Variants in CTNNA2 observed in about 807,000 individuals in gnomAD.
CTNNA2 encodes the protein catenin alpha-2.
A neutral mutation model predicts 101.0 loss-of-function variants in CTNNA2; 42 were observed. The observed-to-expected ratio is 0.42, with a 90% confidence interval of 0.32 to 0.54. The LOEUF (loss-of-function observed/expected upper bound fraction) is 0.54. Among genes scored for constraint, CTNNA2 ranks in the 20% least tolerant of loss-of-function variants. The probability of loss-of-function intolerance (pLI) is 0.14; values close to 1 mark genes in which losing one functional copy is unlikely to be tolerated. For synonymous variants in CTNNA2, 450 were observed against 456.4 expected, an observed-to-expected ratio of 0.99 and a Z score of 0.18; for missense variants, 871 against 1,223.1, an observed-to-expected ratio of 0.71 and a Z score of 4.29.
At chr2:79,659,090 G>A (rs908337737) in intron 2 of CTNNA2, among the ~76,000 whole-genome samples, 1 of 151,618 alleles carries the variant, frequency 6.6e-6, no homozygotes, top group African/African-American at 2.4e-5. Context: ...CATTACTTTG[G>A]TGCAATTAAA....
intron 9 of CTNNA2, among the ~76,000 whole-genome samples, chr2:80,470,955 C>T (rs1340632930): frequency 1.3e-5 from 2 of 152,132 alleles, no homozygotes; most frequent in Admixed American, 6.6e-5. Context: ...GGCAGCCATG[C>T]AAGACTGGAG....
intron 4 of CTNNA2, among the ~76,000 whole-genome samples, chr2:79,405,121 G>T (rs1275592442): frequency 1.3e-5 from 2 of 151,918 alleles, no homozygotes; most frequent in African/African-American, 2.4e-5. Flanking sequence ...TATCCTATGT[G>T]GGCCTGACTT....
intron 7 of CTNNA2, among the ~76,000 whole-genome samples, chr2:80,279,049 C>CGTGTGTGTGT (rs3219982): frequency 0.12 from 16,606 of 135,636 alleles, 1,145 homozygotes; most frequent in South Asian, 0.2. Flanking sequence ...ATGACTTTTA[C>CGTGTGTGTGT]GTGTGTGTGT....
chr2:79,586,717 G>A (rs1253874657), intron 1 of CTNNA2, among the ~76,000 whole-genome samples: 1 of 151,906 alleles, frequency 6.6e-6, no homozygotes, highest in Non-Finnish European at 1.5e-5. Flanking sequence ...GGTGGTTTTT[G>A]TTACATGAAC....
At chr2:80,018,124 C>G (rs1047641986) in intron 7 of CTNNA2, among the ~76,000 whole-genome samples, 1 of 152,096 alleles carries the variant, frequency 6.6e-6, no homozygotes, top group Non-Finnish European at 1.5e-5. Context: ...TGGAATGTTA[C>G]AGAATTCGGC....
chr2:79,339,890 T>C (rs1367776995), intron 3 of CTNNA2: 1 of 152,202 alleles, frequency 6.6e-6, no homozygotes, highest in East Asian at 1.9e-4. Flanking sequence ...AGAAAGACCT[T>C]CTGTTTCAAA....
chr2:80,045,003 T>C (rs769298997), intron 7 of CTNNA2, among the ~76,000 whole-genome samples: 3 of 152,152 alleles, frequency 2.0e-5, no homozygotes, highest in Non-Finnish European at 2.9e-5. Flanking sequence ...CTTACTCGGT[T>C]GCATGAGGGT....
Position 79,858,009 on chromosome 2 carries a change from C to T in CTNNA2, c.299-4C>T. ...CCACCTGCCTCTCCGTGTCTGTCTT[C>T]CAGGTGAGACGATGCGGATCGCCTC... On this transcript the variant is annotated splice_polypyrimidine_tract_variant and splice_region_variant and intron_variant, in intron 3 of 18. Coordinates refer to ENST00000402739, the MANE Select transcript of CTNNA2 (RefSeq NM_001282597.3). The T allele has an allele frequency of 2.5e-6, 4 of 1,610,138 alleles. No homozygotes were observed. The highest frequency in any genetic ancestry group is 3.4e-6 in the Non-Finnish European group (4 of 1,176,738).
intron 7 of CTNNA2, among the ~76,000 whole-genome samples, chr2:80,093,848 G>C (rs977119637): frequency 2.6e-5 from 4 of 152,088 alleles, no homozygotes; most frequent in African/African-American, 9.6e-5. Context: ...TTTTTGATGG[G>C]GTTGTTTGTT....
chr2:80,432,293 G>T (rs964177540), intron 9 of CTNNA2, among the ~76,000 whole-genome samples: 61 of 152,216 alleles, frequency 4.0e-4, no homozygotes, highest in African/African-American at 1.4e-3. Context: ...TTGATCTAAA[G>T]AACAGATTTT....
At chr2:79,230,731 A>G (rs1010932427) in intron 2 of CTNNA2, among the ~76,000 whole-genome samples, 1 of 152,218 alleles carries the variant, frequency 6.6e-6, no homozygotes, top group Non-Finnish European at 1.5e-5. Context: ...ATGCTAGCCC[A>G]TGAAAGCAGC....
intron 4 of CTNNA2, among the ~76,000 whole-genome samples, chr2:79,423,465 T>C (rs1433110422): frequency 6.6e-6 from 1 of 152,212 alleles, no homozygotes; most frequent in East Asian, 1.9e-4. Flanking sequence ...CCATTAAGTT[T>C]TGAGGTATTT....
At chr2:79,686,264 A>G (rs1280395469) in intron 2 of CTNNA2, among the ~76,000 whole-genome samples, 1 of 152,150 alleles carries the variant, frequency 6.6e-6, no homozygotes, top group Non-Finnish European at 1.5e-5. Flanking sequence ...GATTTGTTCA[A>G]GGGTTCAACT....
At chr2:79,345,859 ATTTT>A (rs71385269) in intron 3 of CTNNA2, among the ~76,000 whole-genome samples, 2 of 130,612 alleles carry the variant, frequency 1.5e-5, no homozygotes, top group African/African-American at 2.9e-5. Flanking sequence ...CGCCCGGTTG[ATTTT>A]TTTTTTTTTT....
intron 3 of CTNNA2, among the ~76,000 whole-genome samples, chr2:79,320,877 C>T (rs1202204939): frequency 1.3e-5 from 2 of 152,080 alleles, no homozygotes; most frequent in African/African-American, 4.8e-5. Context: ...ACCTGAAGTA[C>T]CAAAAGTCTA....
rs117825532 is a variant in CTNNA2, at chr2:79,617,504, C to T, written c.-5-34048C>T. Among the ~76,000 whole-genome samples, 86 of 152,268 alleles carry T rather than the reference C, an allele frequency of 5.6e-4. No homozygotes were observed. The East Asian group carries it at 0.015, about 27-fold the overall frequency. On this transcript the variant is annotated intron_variant, in intron 1 of 18. Coordinates refer to ENST00000402739, the MANE Select transcript of CTNNA2 (RefSeq NM_001282597.3). ...CTCTCTGGTTTGTTATTTATCCAGT[C>T]TACTTTGTTAGTGATTACATTTTCA...
intron 7 of CTNNA2, among the ~76,000 whole-genome samples, chr2:79,922,106 C>G (rs1214671648): frequency 6.6e-6 from 1 of 152,166 alleles, no homozygotes; most frequent in Non-Finnish European, 1.5e-5. Flanking sequence ...AGGTATCATA[C>G]ATTTCCTTTT....
chr2:79,701,692 C>A (rs1241870961), intron 2 of CTNNA2, among the ~76,000 whole-genome samples: 1 of 152,096 alleles, frequency 6.6e-6, no homozygotes, highest in African/African-American at 2.4e-5. Flanking sequence ...GAAAGATGAA[C>A]TGAAATTAGT....
rs1271448800 is a variant in CTNNA2, at chr2:79,218,557, ACT to A, written c.-406+20485_-406+20486del. Among the ~76,000 whole-genome samples the A allele has an allele frequency of 2.6e-5, 4 of 151,694 alleles. No homozygotes were observed. In the East Asian group the frequency reaches 7.8e-4, roughly 29 times the overall value. Reference sequence around the variant, plus strand: ...GAGTAGCAGTAGGGACTCGGAAGAGACTCTCATTTAGGACAGTTTTGACAATA... The same window carrying A: ...GAGTAGCAGTAGGGACTCGGAAGAGACTCATTTAGGACAGTTTTGACAATA... On this transcript the variant is annotated intron_variant, in intron 2 of 21. Transcript: ENST00000466387.
Sources: allele counts gnomAD v4.1 joint callset (sites outside exome capture counted in the v4.1 genomes callset), GRCh38; gene constraint gnomAD v4.1.1; transcripts MANE v1.5; gene names NCBI Gene and HGNC (gene_info 2026-07-23, HGNC 2026-07-21).